DGKG: variants seen among roughly 807,000 people sequenced by gnomAD.
DGKG encodes the protein DAG kinase gamma.
A neutral mutation model predicts 105.3 loss-of-function variants in DGKG; 78 were observed. That is an observed-to-expected ratio of 0.74 (90% CI 0.62 to 0.89). The LOEUF (loss-of-function observed/expected upper bound fraction) is 0.89. Ranked by LOEUF, DGKG falls within the 40% of genes least tolerant of loss-of-function variation. The pLI, the probability that DGKG is intolerant of heterozygous loss-of-function variation, is 0.00. For synonymous variants in DGKG, 346 were observed against 367.1 expected, an observed-to-expected ratio of 0.94 and a Z score of 0.66; for missense variants, 958 against 1,020.1, an observed-to-expected ratio of 0.94 and a Z score of 0.83.
intron 20 of DGKG, among the ~76,000 whole-genome samples, chr3:186,222,354 C>T (rs1006488484): frequency 1.3e-5 from 2 of 152,168 alleles, no homozygotes; most frequent in Non-Finnish European, 2.9e-5. Flanking sequence ...TACAATGTCT[C>T]GTTTTAGAGA....
Position 186,297,436 on chromosome 3 carries a change from A to T in DGKG, c.358T>A (p.Cys120Ser), listed in dbSNP as rs772127167. The T allele has an allele frequency of 4.3e-6, 7 of 1,612,274 alleles. No homozygotes were observed. The highest frequency in any genetic ancestry group is 5.9e-6 in the Non-Finnish European group (7 of 1,178,384). The change falls in exon 5 of 25, where the codon TGT (cysteine) becomes AGT (serine). Residue 120 changes from cysteine to serine, a missense_variant. By Grantham distance (112) the Cys-to-Ser change is moderately radical. Around this residue, in one of 2 missense-constraint regions of DGKG, gnomAD observed 643 missense variants for 619.5 expected, o/e 1.04. Coordinates refer to ENST00000265022, the MANE Select transcript of DGKG (RefSeq NM_001346.3). ...ADNATKADEA[C>S]APDTESNMAE... ...AAAGACTTACCAGTATCAGGGGCAC[A>T]GGCCTCGTCTGCTTTGGTGGCATTA...
intron 14 of DGKG, 126 bp downstream of exon 14, chr3:186,265,120 TG>T: frequency 1.2e-6 from 1 of 826,116 alleles, no homozygotes; most frequent in Non-Finnish European, 2.0e-6. Context: ...CCCTCCTGGG[TG>T]GTATAATTAG....
chr3:186,197,483 G>A (rs1182259799), intron 21 of DGKG, among the ~76,000 whole-genome samples: 1 of 152,082 alleles, frequency 6.6e-6, no homozygotes, highest in Non-Finnish European at 1.5e-5. Flanking sequence ...GAAAGAGAAA[G>A]CACCAATAAG....
chr3:186,314,185 A>G (rs1367390693), intron 2 of DGKG, among the ~76,000 whole-genome samples: 2,855 of 95,408 alleles, frequency 0.03, 104 homozygotes, highest in African/African-American at 0.12. Context: ...ACACACACAC[A>G]CACACACACA....
At chr3:186,308,459 A>G (rs977592557) in intron 2 of DGKG, among the ~76,000 whole-genome samples, 1 of 152,138 alleles carries the variant, frequency 6.6e-6, no homozygotes, top group African/African-American at 2.4e-5. Flanking sequence ...GATGTTATTA[A>G]AAGCTCACAC....
chr3:186,299,238 G>A (rs1390338179), intron 3 of DGKG, among the ~76,000 whole-genome samples: 1 of 152,208 alleles, frequency 6.6e-6, no homozygotes, highest in Non-Finnish European at 1.5e-5. Context: ...GCAGCCATGA[G>A]AATAAAATCC....
rs139655105 is a variant in DGKG, at chr3:186,169,839, C to T, written c.2096-4821G>A. Among the ~76,000 whole-genome samples, 1,012 of 152,274 alleles carry T rather than the reference C, an allele frequency of 6.6e-3. 8 individuals are homozygous for T. The highest frequency in any genetic ancestry group is 0.023 in the African/African-American group (948 of 41,544). On this transcript the variant is annotated intron_variant, in intron 22 of 24. Transcript: ENST00000265022. ...AAGATAAGGGCATTGATGATATTGG[C>T]TGTGGGCAGGAGATGGCTGCAGTAA...
chr3:186,190,674 A>G (rs940285755), intron 21 of DGKG, among the ~76,000 whole-genome samples: 4 of 151,572 alleles, frequency 2.6e-5, no homozygotes, highest in African/African-American at 9.7e-5. Context: ...GATTTTAAAA[A>G]ATAACATAGA....
At chr3:186,289,823 C>T (rs760590582) in intron 5 of DGKG, among the ~76,000 whole-genome samples, 7 of 152,146 alleles carry the variant, frequency 4.6e-5, no homozygotes, top group African/African-American at 1.7e-4. Context: ...CAGCCTTGAT[C>T]GTAATGTCTG....
chr3:186,328,382 C>T (rs2108648408), intron 1 of DGKG, among the ~76,000 whole-genome samples: 1 of 152,234 alleles, frequency 6.6e-6, no homozygotes, highest in East Asian at 1.9e-4. Flanking sequence ...TTTATGGGGT[C>T]ATCTAATGTG....
intron 1 of DGKG, among the ~76,000 whole-genome samples, chr3:186,352,841 C>G (rs1257392853): frequency 6.6e-6 from 1 of 152,138 alleles, no homozygotes; most frequent in African/African-American, 2.4e-5. Flanking sequence ...AGGGGTTGCT[C>G]TAATGTTAAA....
At chr3:186,219,570 G>C (rs1249639958) in intron 20 of DGKG, among the ~76,000 whole-genome samples, 1 of 152,224 alleles carries the variant, frequency 6.6e-6, no homozygotes, top group Non-Finnish European at 1.5e-5. Context: ...ATGTGTTTCA[G>C]CTTCAAGGCG....
At chr3:186,188,600 G>C (rs1236359238) in intron 21 of DGKG, among the ~76,000 whole-genome samples, 1 of 152,138 alleles carries the variant, frequency 6.6e-6, no homozygotes, top group African/African-American at 2.4e-5. Context: ...GTCCTGGTCA[G>C]CTCCGGGGAA....
At chr3:186,319,600 C>T (rs933233882) in intron 2 of DGKG, among the ~76,000 whole-genome samples, 2 of 152,296 alleles carry the variant, frequency 1.3e-5, no homozygotes, top group Non-Finnish European at 2.9e-5. Flanking sequence ...GATGAAGGGC[C>T]TCCTGGAAAG....
chr3:186,342,592 T>C (rs1726138864), intron 1 of DGKG, among the ~76,000 whole-genome samples: 1 of 152,174 alleles, frequency 6.6e-6, no homozygotes, highest in African/African-American at 2.4e-5. Context: ...TTCTGTTTTT[T>C]TTCTCTCGGT....
At chr3:186,346,793 G>T (rs1726357336) in intron 1 of DGKG, among the ~76,000 whole-genome samples, 1 of 151,870 alleles carries the variant, frequency 6.6e-6, no homozygotes, top group Admixed American at 6.6e-5. Context: ...CATTTTAATA[G>T]ATTTTTTCAT....
intron 24 of DGKG, among the ~76,000 whole-genome samples, chr3:186,152,116 G>C (rs934148544): frequency 3.3e-5 from 5 of 152,082 alleles, no homozygotes; most frequent in Non-Finnish European, 7.4e-5. Context: ...CCAGGAAATG[G>C]AAGGGAAGGA....
chr3:186,220,753 C>G (rs1056418748), intron 20 of DGKG, among the ~76,000 whole-genome samples: 1 of 152,194 alleles, frequency 6.6e-6, no homozygotes, highest in Admixed American at 6.5e-5. Context: ...GGGCCAAACC[C>G]ATAAGCCTCA....
At chr3:186,343,252 G>A (rs1461612606) in intron 1 of DGKG, among the ~76,000 whole-genome samples, 1 of 152,148 alleles carries the variant, frequency 6.6e-6, no homozygotes, top group Non-Finnish European at 1.5e-5. Flanking sequence ...ACAACAAGAA[G>A]CCAGAGGACC....
Sources: gnomAD v4.1 joint callset for allele counts (sites outside exome capture counted in the v4.1 genomes callset) on GRCh38, gnomAD v4.1.1 for gene constraint, gnomAD v4.1.1 regional missense constraint, MANE v1.5 for transcripts, NCBI Gene and HGNC (gene_info 2026-07-23, HGNC 2026-07-21) for gene names.